APELA: variants seen among roughly 807,000 people sequenced by gnomAD.
APELA encodes apelin receptor early endogenous ligand, also known as protein Elabela.
At position 164,877,237 on chromosome 4, in the gene APELA, G is replaced by T; in HGVS notation, c.-95G>T. 1 of 396,894 alleles carries T rather than the reference G, an allele frequency of 2.5e-6. No homozygotes were observed. Among genetic ancestry groups the T allele is most frequent in the South Asian group, 1.3e-4 (1 of 7,552 alleles). 24.6% of individuals were successfully genotyped at this position (396,894 alleles called of 1,614,324 possible). A position where few individuals can be genotyped will look rare whatever the true frequency, so the allele number is the denominator to read the frequency against. ...GGCAGTTCTCTGAGGTTTGTCACTAGAATGTGAAGACAGCCACACAGATAT... is the reference window on the plus strand; with the variant it reads ...GGCAGTTCTCTGAGGTTTGTCACTATAATGTGAAGACAGCCACACAGATAT... On this transcript the variant is annotated 5_prime_UTR_variant, in exon 1 of 3. Coordinates refer to ENST00000507152, the MANE Select transcript of APELA (RefSeq NM_001297550.2).
chr4:164,882,847 GT>G (rs1461388856), intron 2 of APELA, among the ~76,000 whole-genome samples: 1 of 151,924 alleles, frequency 6.6e-6, no homozygotes, highest in Non-Finnish European at 1.5e-5. Context: ...GCGGTGTTTG[GT>G]TTTTTGCCCT....
chr4:164,895,936 G>C lies in APELA; in HGVS notation c.*522G>C, dbSNP rs1730967685. ...ATAATTGGTTCATTGATTATATAGA[G>C]AGAAAGACTAAGAAAAGCTATTAAT... On this transcript the variant is annotated 3_prime_UTR_variant, in exon 3 of 3. Coordinates refer to ENST00000507152, the MANE Select transcript of APELA (RefSeq NM_001297550.2). 1 of 152,188 alleles carries C rather than the reference G, an allele frequency of 6.6e-6. No individual in the cohort carries two copies. Among genetic ancestry groups the C allele is most frequent in the Non-Finnish European group, 1.5e-5 (1 of 68,044 alleles). 9.4% of individuals were successfully genotyped at this position (152,188 alleles called of 1,614,324 possible).
At chr4:164,889,786 C>T (rs1270176243) in intron 2 of APELA, among the ~76,000 whole-genome samples, 1 of 152,156 alleles carries the variant, frequency 6.6e-6, no homozygotes, top group East Asian at 1.9e-4. Flanking sequence ...AACAGAATGG[C>T]AGTATCTGTA....
intron 2 of APELA, among the ~76,000 whole-genome samples, chr4:164,894,104 CTT>C (rs1460484183): frequency 6.6e-6 from 1 of 152,138 alleles, no homozygotes; most frequent in Non-Finnish European, 1.5e-5. Context: ...AGGCAGATCA[CTT>C]GAGATCAGGA....
At chr4:164,878,699 T>TA (rs1219495209) in intron 1 of APELA, among the ~76,000 whole-genome samples, 14 of 152,106 alleles carry the variant, frequency 9.2e-5, no homozygotes, top group African/African-American at 2.4e-5. Flanking sequence ...ACGATGGAGT[T>TA]AAAAAAATAG....
intron 1 of APELA, among the ~76,000 whole-genome samples, chr4:164,877,777 C>T (rs1340313972): frequency 1.3e-5 from 2 of 152,020 alleles, no homozygotes; most frequent in Admixed American, 6.6e-5. Flanking sequence ...AACTCCAAAG[C>T]AGTTTATTTA....
chr4:164,889,866 C>A (rs1208043877), intron 2 of APELA, among the ~76,000 whole-genome samples: 1 of 152,158 alleles, frequency 6.6e-6, no homozygotes, highest in South Asian at 2.1e-4. Flanking sequence ...TATTTACATA[C>A]CATTTATATT....
At chr4:164,894,168 C>CA (rs1353387758) in intron 2 of APELA, among the ~76,000 whole-genome samples, 1 of 151,856 alleles carries the variant, frequency 6.6e-6, no homozygotes, top group Non-Finnish European at 1.5e-5. Context: ...ACTAAAAATA[C>CA]AAAAAAATTA....
intron 2 of APELA, among the ~76,000 whole-genome samples, chr4:164,885,095 CA>C (rs201890124): frequency 0.025 from 3,677 of 150,052 alleles, 137 homozygotes; most frequent in African/African-American, 0.085. Flanking sequence ...TATTTTCAGC[CA>C]AAAAAAAAGT....
chr4:164,878,142 A>G lies in APELA; in HGVS notation c.76+735A>G, dbSNP rs577410175. ...CAAAGAACCAGTAAGTTTGAAAAAA[A>G]AAAGAAAGAAAAGAGAGAAAAGAAG... is the stretch of plus-strand genomic sequence containing the variant. On this transcript the variant is annotated intron_variant, in intron 1 of 2. Coordinates refer to ENST00000507152, the MANE Select transcript of APELA (RefSeq NM_001297550.2). Among the ~76,000 whole-genome samples the G allele has an allele frequency of 4.1e-4, 58 of 142,906 alleles. No homozygotes were observed. In the East Asian group the frequency reaches 0.011, roughly 27 times the overall value. 93.8% of individuals were successfully genotyped at this position (142,906 alleles called of 152,430 possible).
At chr4:164,882,239 G>A (rs533167041) in intron 2 of APELA, among the ~76,000 whole-genome samples, 122 of 152,104 alleles carry the variant, frequency 8.0e-4, no homozygotes, top group South Asian at 5.0e-3. Context: ...GAGTAGCTGG[G>A]ATTACAGGCA....
At chr4:164,887,141 T>C (rs1191492015) in intron 2 of APELA, among the ~76,000 whole-genome samples, 4 of 152,152 alleles carry the variant, frequency 2.6e-5, no homozygotes, top group Non-Finnish European at 5.9e-5. Context: ...TTTCTTCATT[T>C]TAAAAACTGA....
chr4:164,898,042 C>T (rs748768149), downstream of APELA, among the ~76,000 whole-genome samples: 11 of 152,034 alleles, frequency 7.2e-5, no homozygotes, highest in Non-Finnish European at 1.6e-4. Context: ...AGGCACCCAC[C>T]ACCATGTCCA....
intron 2 of APELA, among the ~76,000 whole-genome samples, chr4:164,890,770 T>C (rs80195904): frequency 0.074 from 11,222 of 152,260 alleles, 1,245 homozygotes; most frequent in African/African-American, 0.24. Flanking sequence ...AGAGGAATTG[T>C]TGGGTCATAT....
At chr4:164,878,196 A>AAAGGAAAGAAAG (rs1553970695) in intron 1 of APELA, among the ~76,000 whole-genome samples, 1 of 143,382 alleles carries the variant, frequency 7.0e-6, no homozygotes, top group Non-Finnish European at 1.5e-5. Flanking sequence ...AGAAACAGAA[A>AAAGGAAAGAAAG]AAAGAAAGAA....
chr4:164,883,484 C>CTTTTTTTTTTTTTT (rs758157733), intron 2 of APELA, among the ~76,000 whole-genome samples: 2 of 129,388 alleles, frequency 1.5e-5, no homozygotes, highest in African/African-American at 3.2e-5. Context: ...TCTAGTCTTT[C>CTTTTTTTTTTTTTT]TTTTTCTTTT....
chr4:164,898,455 T>G (rs1438587402), downstream of APELA, among the ~76,000 whole-genome samples: 1 of 143,722 alleles, frequency 7.0e-6, no homozygotes, highest in Non-Finnish European at 1.5e-5. Context: ...TGAGTCAAGA[T>G]CACGCCATTG....
chr4:164,879,263 C>A, intron 2 of APELA: 1 of 320,196 alleles, frequency 3.1e-6, no homozygotes, highest in Non-Finnish European at 5.7e-6. Context: ...ATCTGAGTAA[C>A]AGCTATTTGG....
At chr4:164,898,912 G>T (rs1731025142), downstream of APELA, 1 of 151,998 alleles carries the variant, frequency 6.6e-6, no homozygotes, top group South Asian at 2.1e-4. Flanking sequence ...CAGCAATCAA[G>T]ATAACATTTG....
Sources: gnomAD v4.1 joint callset for allele counts (sites outside exome capture counted in the v4.1 genomes callset) on GRCh38, gnomAD v4.1.1 for gene constraint, MANE v1.5 for transcripts, NCBI Gene and HGNC (gene_info 2026-07-23, HGNC 2026-07-21) for gene names.